STX8: variants seen among roughly 807,000 people sequenced by gnomAD.
STX8 encodes syntaxin-8.
Under a neutral mutation model 37.5 loss-of-function variants are expected in STX8, and 23 were observed. The observed-to-expected ratio is 0.61, with a 90% CI of 0.44 to 0.87. The LOEUF is 0.87. Ranked by LOEUF, STX8 falls within the 40% of genes least tolerant of loss-of-function variation. The pLI, the probability that STX8 is intolerant of heterozygous loss-of-function variation, is 0.00. For synonymous variants in STX8, 115 were observed against 99.1 expected (o/e 1.16, Z -0.95); for missense variants, 313 against 284.7 (o/e 1.10, Z -0.71).
intron 6 of STX8, among the ~76,000 whole-genome samples, chr17:9,490,520 G>C (rs192254883): frequency 5.3e-4 from 80 of 151,862 alleles, no homozygotes; most frequent in African/African-American, 1.6e-3. Flanking sequence ...TACAGGTGTG[G>C]GCCACCACGC....
At chr17:9,295,515 C>T (rs1031413990) in intron 7 of STX8, among the ~76,000 whole-genome samples, 6 of 152,130 alleles carry the variant, frequency 3.9e-5, no homozygotes, top group South Asian at 4.1e-4. Context: ...GGAGCTGAGG[C>T]GGGCAAATCA....
intron 7 of STX8, among the ~76,000 whole-genome samples, chr17:9,306,642 G>A (rs1196736202): frequency 2.7e-5 from 4 of 149,596 alleles, no homozygotes; most frequent in Non-Finnish European, 3.0e-5. Flanking sequence ...GTGCATGCCT[G>A]TAATCCCAGC....
chr17:9,448,597 G>C (rs1445754357), intron 6 of STX8, among the ~76,000 whole-genome samples: 1 of 152,330 alleles, frequency 6.6e-6, no homozygotes, highest in Non-Finnish European at 1.5e-5. Flanking sequence ...TTGCCCAGGA[G>C]TTCAATGTTA....
At chr17:9,527,269 C>A (rs921796950) in intron 4 of STX8, among the ~76,000 whole-genome samples, 1 of 148,218 alleles carries the variant, frequency 6.7e-6, no homozygotes, top group Non-Finnish European at 1.5e-5. Context: ...CAGAGAGAGA[C>A]CCTGTCTCTA....
rs1912836542 is a variant in STX8, at chr17:9,407,328, C to T, written c.542-28675G>A. 2.0e-5 allele frequency among the ~76,000 whole-genome samples: 3 copies of T among 152,176 alleles called. No homozygotes were observed. In the South Asian group the frequency reaches 6.2e-4, roughly 32 times the overall value. ...AAAGGCATGAGCCACCCCACCTGGC[C>T]CCAGCACCGTATTTTACAAAGAATA... On this transcript the variant is annotated intron_variant, in intron 6 of 7. Transcript: ENST00000306357.
intron 6 of STX8, among the ~76,000 whole-genome samples, chr17:9,434,815 C>T (rs1301665508): frequency 1.3e-5 from 2 of 152,244 alleles, no homozygotes; most frequent in Non-Finnish European, 2.9e-5. Context: ...TAGTTGCATG[C>T]AAATGAAGAG....
intron 7 of STX8, among the ~76,000 whole-genome samples, chr17:9,305,088 A>G (rs1597594543): frequency 1.3e-5 from 2 of 151,498 alleles, no homozygotes; most frequent in East Asian, 3.9e-4. Context: ...GAGATATTAA[A>G]TATTATTATT....
At chr17:9,519,484 C>T (rs1231835483) in intron 4 of STX8, among the ~76,000 whole-genome samples, 1 of 152,096 alleles carries the variant, frequency 6.6e-6, no homozygotes, top group Non-Finnish European at 1.5e-5. Context: ...GGCTCAGACA[C>T]CCATCACCTC....
chr17:9,364,503 T>C (rs1388202808), intron 7 of STX8, among the ~76,000 whole-genome samples: 1 of 152,062 alleles, frequency 6.6e-6, no homozygotes, highest in Non-Finnish European at 1.5e-5. Context: ...GATAGCTAGG[T>C]AGATATTTGC....
intron 7 of STX8, among the ~76,000 whole-genome samples, chr17:9,271,470 G>A (rs1297733207): frequency 6.6e-6 from 1 of 151,950 alleles, no homozygotes; most frequent in African/African-American, 2.4e-5. Context: ...AAAGAAATGC[G>A]GCCGGGCGTG....
chr17:9,461,172 T>G (rs537226289), intron 6 of STX8: 12 of 152,106 alleles, frequency 7.9e-5, no homozygotes, highest in Non-Finnish European at 1.3e-4. Context: ...TTTTTCACCA[T>G]GTACACAGCT....
At chr17:9,431,662 G>A (rs985942021) in intron 6 of STX8, among the ~76,000 whole-genome samples, 1 of 152,148 alleles carries the variant, frequency 6.6e-6, no homozygotes, top group Non-Finnish European at 1.5e-5. Context: ...AATTCTAGAA[G>A]GTAGTCCTCT....
chr17:9,283,462 C>A (rs576690322), intron 7 of STX8, among the ~76,000 whole-genome samples: 1 of 152,128 alleles, frequency 6.6e-6, no homozygotes, highest in Non-Finnish European at 1.5e-5. Flanking sequence ...AATCACTGAA[C>A]CTGGGAGGCA....
intron 7 of STX8, among the ~76,000 whole-genome samples, chr17:9,333,035 A>G (rs899203188): frequency 6.6e-6 from 1 of 152,206 alleles, no homozygotes; most frequent in African/African-American, 2.4e-5. Context: ...ATATGCGTCC[A>G]AGTTTCCTGT....
chr17:9,509,438 G>A (rs1448286867), intron 4 of STX8, among the ~76,000 whole-genome samples: 2 of 151,878 alleles, frequency 1.3e-5, no homozygotes, highest in African/African-American at 4.8e-5. Flanking sequence ...ATTACATGCA[G>A]CAAAGATATC....
intron 7 of STX8, among the ~76,000 whole-genome samples, chr17:9,335,368 A>G (rs1173742303): frequency 2.6e-5 from 4 of 152,204 alleles, no homozygotes; most frequent in African/African-American, 7.2e-5. Flanking sequence ...CTGAAAATTT[A>G]TTTCTAACAT....
intron 7 of STX8, among the ~76,000 whole-genome samples, chr17:9,369,759 G>A (rs1228412639): frequency 4.6e-5 from 7 of 151,170 alleles, no homozygotes; most frequent in South Asian, 2.1e-4. Context: ...CAGGCATGAC[G>A]GCGAGTGCCT....
chr17:9,573,077 A>AC (rs1907745170), intron 1 of STX8, among the ~76,000 whole-genome samples: 4 of 40,116 alleles, frequency 1.0e-4, no homozygotes, highest in African/African-American at 1.7e-4. Context: ...GCCCACCCCC[A>AC]ACACCCCCCC....
chr17:9,479,796 C>CT (rs1906241737), intron 6 of STX8, among the ~76,000 whole-genome samples: 1 of 151,950 alleles, frequency 6.6e-6, no homozygotes, highest in Admixed American at 6.6e-5. Flanking sequence ...ACCACAAGCC[C>CT]TAACCCCCGC....
Sources: gnomAD v4.1 joint callset for allele counts (sites outside exome capture counted in the v4.1 genomes callset) on GRCh38, gnomAD v4.1.1 for gene constraint, MANE v1.5 for transcripts, NCBI Gene and HGNC (gene_info 2026-07-23, HGNC 2026-07-21) for gene names.